SAMD5: variants seen among roughly 807,000 people sequenced by gnomAD.
SAMD5 encodes the protein sterile alpha motif domain containing 5.
SAMD5 carries 13 observed loss-of-function variants against 11.3 expected under a neutral mutation model. The ratio of observed to expected loss-of-function variants is 1.15; its 90% CI spans 0.75 to 1.83. The LOEUF is 1.83. Ranked by LOEUF, SAMD5 falls within the 40% of genes most tolerant of loss-of-function variation. The pLI is 0.00. For missense variants in SAMD5, 255 were observed against 239.1 expected, an observed-to-expected ratio of 1.07 and a Z score of -0.44; for synonymous variants, 129 against 111.3, an observed-to-expected ratio of 1.16 and a Z score of -1.00.
chr6:147,729,753 C>T (rs1443182095), intron 1 of SAMD5: 1 of 456,568 alleles, frequency 2.2e-6, no homozygotes, highest in Non-Finnish European at 4.4e-6. Context: ...TAGGCAGTGG[C>T]AAAGGTTCTG....
the SAMD5 span, among the ~76,000 whole-genome samples, chr6:147,870,476 GTGTGTGTA>G: frequency 0.021 from 2,959 of 139,872 alleles, 101 homozygotes; most frequent in African/African-American, 0.075. Context: ...GTGTGTGTGT[GTGTGTGTA>G]TATATATATG....
chr6:147,818,306 T>G, the SAMD5 span, among the ~76,000 whole-genome samples: 1 of 152,180 alleles, frequency 6.6e-6, no homozygotes, highest in Non-Finnish European at 1.5e-5. Flanking sequence ...TACTCAAAAT[T>G]TTAGTGTGCT....
At chr6:147,600,753 G>T (rs1015692952) in intron 1 of SAMD5, among the ~76,000 whole-genome samples, 3 of 152,130 alleles carry the variant, frequency 2.0e-5, no homozygotes, top group Non-Finnish European at 4.4e-5. Context: ...TCTGTCGGAT[G>T]GTAATAGGAA....
chr6:147,626,339 C>G (rs1005877659), intron 1 of SAMD5, among the ~76,000 whole-genome samples: 1 of 151,274 alleles, frequency 6.6e-6, no homozygotes, highest in Non-Finnish European at 1.5e-5. Context: ...TTTCTTACTG[C>G]TAGAGGCACC....
chr6:147,547,042 C>A (rs905898172), intron 1 of SAMD5, among the ~76,000 whole-genome samples: 24 of 152,248 alleles, frequency 1.6e-4, no homozygotes, highest in African/African-American at 5.1e-4. Flanking sequence ...TCCTGCCTTT[C>A]CATCACTGAC....
chr6:147,899,123 A>C, the SAMD5 span, among the ~76,000 whole-genome samples: 1 of 142,808 alleles, frequency 7.0e-6, no homozygotes, highest in Non-Finnish European at 1.5e-5. Flanking sequence ...GTGAGCCAAG[A>C]TCGCGCCACT....
chr6:147,579,629 C>T (rs1277373328), intron 1 of SAMD5, among the ~76,000 whole-genome samples: 1 of 151,990 alleles, frequency 6.6e-6, no homozygotes, highest in African/African-American at 2.4e-5. Context: ...GGTTAATTTT[C>T]ATATTTATAG....
In SAMD5 at chr6:147,568,995, G is replaced by A. The variant is rs1456513485; in HGVS notation, c.*4539G>A. The A allele has an allele frequency of 8.5e-6, 4 of 472,364 alleles. No individual in the cohort carries two copies. The highest frequency in any genetic ancestry group is 2.1e-5 in the African/African-American group (1 of 47,264). The allele number at this position is 472,364 out of a possible 1,614,324, so 29.3% of individuals were successfully genotyped here. A position where few individuals can be genotyped will look rare whatever the true frequency, so the allele number is the denominator to read the frequency against. On this transcript the variant is annotated 3_prime_UTR_variant, in exon 2 of 2. Transcript: ENST00000367474. ...TAATCCCAGCACTTTGGGAGGCCGG[G>A]GTGGGCAGATCATTTGAGGTCAGGA...
At chr6:147,841,526 G>A in the SAMD5 span, among the ~76,000 whole-genome samples, 4 of 152,224 alleles carry the variant, frequency 2.6e-5, no homozygotes, top group African/African-American at 4.8e-5. Flanking sequence ...ATTAGTTTGG[G>A]CCCAGAGGAT....
the SAMD5 span, among the ~76,000 whole-genome samples, chr6:147,859,471 T>G: frequency 6.6e-6 from 1 of 152,240 alleles, no homozygotes. Context: ...AAGCTCCTTG[T>G]AAGGAAAGAT....
At chr6:147,821,543 C>A in the SAMD5 span, among the ~76,000 whole-genome samples, 1 of 152,156 alleles carries the variant, frequency 6.6e-6, no homozygotes, top group Non-Finnish European at 1.5e-5. Context: ...TTTTAAGAAG[C>A]GGCACCACGC....
intron 1 of SAMD5, among the ~76,000 whole-genome samples, chr6:147,600,765 C>T (rs1789602564): frequency 6.6e-6 from 1 of 152,138 alleles, no homozygotes; most frequent in South Asian, 2.1e-4. Flanking sequence ...TAATAGGAAT[C>T]TTCAAGAGAC....
the SAMD5 span, among the ~76,000 whole-genome samples, chr6:147,951,282 C>G: frequency 6.6e-6 from 1 of 151,540 alleles, no homozygotes; most frequent in Non-Finnish European, 1.5e-5. Context: ...TCCGGGTTCA[C>G]GCCATTCTCC....
At chr6:147,768,793 A>G in the SAMD5 span, among the ~76,000 whole-genome samples, 579 of 152,068 alleles carry the variant, frequency 3.8e-3, 6 homozygotes, top group African/African-American at 0.013. Context: ...AACATTTAAA[A>G]TTTATATATT....
downstream of SAMD5, among the ~76,000 whole-genome samples, chr6:147,738,460 T>G (rs972319064): frequency 2.0e-5 from 3 of 152,136 alleles, no homozygotes; most frequent in Admixed American, 6.5e-5. Flanking sequence ...AGGGAGAAAT[T>G]AAGAGTTTCA....
At chr6:147,727,807 A>G (rs1583155879) in intron 1 of SAMD5, among the ~76,000 whole-genome samples, 1 of 152,304 alleles carries the variant, frequency 6.6e-6, no homozygotes, top group East Asian at 1.9e-4. Context: ...ACAGCAATAA[A>G]CTTAAAATGA....
intron 1 of SAMD5, chr6:147,729,803 G>T (rs537916412): frequency 8.7e-6 from 4 of 457,220 alleles, no homozygotes; most frequent in Non-Finnish European, 1.8e-5. Flanking sequence ...ACAGCAAGGA[G>T]GCTGGGCGTG....
At chr6:147,509,515 G>C (rs1199132343) in intron 1 of SAMD5, 128 bp downstream of exon 1, 4 of 736,390 alleles carry the variant, frequency 5.4e-6, no homozygotes, top group Non-Finnish European at 8.3e-6. Flanking sequence ...GGGTATCTGG[G>C]ACCCTTTTCT....
chr6:147,565,689 G>A lies in SAMD5; in HGVS notation c.*1233G>A. On this transcript the variant is annotated 3_prime_UTR_variant, in exon 2 of 2. Coordinates refer to ENST00000367474, the MANE Select transcript of SAMD5 (RefSeq NM_001030060.3). ...TGGCCAGGCTGTTCTTGAACTCCTG[G>A]CCTCAAATGATCCACTCGCCGTGGC... 8.8e-6 allele frequency: 7 copies of A among 796,324 alleles called. No individual in the cohort carries two copies. Among genetic ancestry groups the A allele is most frequent in the Non-Finnish European group, 1.1e-5 (7 of 657,814 alleles). 49.3% of individuals were successfully genotyped at this position (796,324 alleles called of 1,614,324 possible).
Sources: allele counts gnomAD v4.1 joint callset (sites outside exome capture counted in the v4.1 genomes callset), GRCh38; gene constraint gnomAD v4.1.1; transcripts MANE v1.5; gene names NCBI Gene and HGNC (gene_info 2026-07-23, HGNC 2026-07-21).